The following SHISA5 variants were observed in gnomAD, a reference collection of about 807,000 sequenced individuals.
SHISA5 encodes the protein protein shisa-5.
SHISA5 carries 21 observed loss-of-function variants against 27.5 expected under a neutral mutation model. The observed-to-expected ratio is 0.76, with a 90% CI of 0.54 to 1.10. The LOEUF (loss-of-function observed/expected upper bound fraction) is 1.10. SHISA5 is among the 50% of genes least tolerant of loss of function. The pLI, the probability that SHISA5 is intolerant of heterozygous loss-of-function variation, is 0.00. For synonymous variants in SHISA5, 137 were observed against 142.2 expected (o/e 0.96, Z 0.26); for missense variants, 314 against 336.3 (o/e 0.93, Z 0.52).
chr3:48,472,970 T>G (rs1451852623), intron 3 of SHISA5: 7 of 1,519,130 alleles, frequency 4.6e-6, no homozygotes, highest in Non-Finnish European at 6.2e-6. Context: ...TCTCAGTGTT[T>G]GTCTCTCAAA....
At chr3:48,475,850 A>G (rs1575308980) in intron 3 of SHISA5, among the ~76,000 whole-genome samples, 1 of 152,232 alleles carries the variant, frequency 6.6e-6, no homozygotes, top group South Asian at 2.1e-4. Flanking sequence ...GAATGGCTGG[A>G]GCCACTCACC....
chr3:48,493,373 T>G (rs2041480324), intron 2 of SHISA5, among the ~76,000 whole-genome samples: 1 of 146,574 alleles, frequency 6.8e-6, no homozygotes, highest in South Asian at 2.1e-4. Context: ...GAGGCTGCAG[T>G]GAGCTGAGAC....
At chr3:48,494,753 G>C (rs1023362493) in intron 2 of SHISA5, among the ~76,000 whole-genome samples, 5 of 147,616 alleles carry the variant, frequency 3.4e-5, no homozygotes, top group Non-Finnish European at 7.4e-5. Flanking sequence ...TTGGGGTATG[G>C]ATTTCATATC....
chr3:48,473,704 A>G lies in SHISA5; in HGVS notation c.315-3861T>C. On this transcript the variant is annotated intron_variant, in intron 3 of 5. Coordinates refer to ENST00000296444, the MANE Select transcript of SHISA5 (RefSeq NM_016479.6). The surrounding 1 kb of genome is among the most constrained non-coding windows in gnomAD (Gnocchi z 4.3). ...TTGCGATTACAAAGGAATTTGCTTT[A>G]TAATTACATGTTAAACTGAGTGTGT... 1 of 646,096 alleles carries G rather than the reference A, an allele frequency of 1.5e-6. No individual in the cohort carries two copies. The highest frequency in any genetic ancestry group is 1.9e-6 in the Non-Finnish European group (1 of 520,552). The allele number at this position is 646,096 out of a possible 1,614,324, so 40.0% of individuals were successfully genotyped here.
At chr3:48,500,144 C>T (rs955622332) in intron 2 of SHISA5, among the ~76,000 whole-genome samples, 2 of 152,138 alleles carry the variant, frequency 1.3e-5, no homozygotes, top group African/African-American at 4.8e-5. Flanking sequence ...GGATTCACAC[C>T]ATTCAGAGGG....
rs2040710611 is a variant in SHISA5 at position 48,473,323 on chromosome 3, C to T, written c.315-3480G>A. On this transcript the variant is annotated intron_variant, in intron 3 of 5. Coordinates refer to ENST00000296444, the MANE Select transcript of SHISA5 (RefSeq NM_016479.6). The surrounding 1 kb of genome is among the most constrained non-coding windows in gnomAD (Gnocchi z 4.3). ...CCTGAGCCAAGCCTACAGGGCCTGA[C>T]CTCAGAATGCAGCCTGGCCACTAGG... 1 of 1,393,618 alleles carries T rather than the reference C, an allele frequency of 7.2e-7. No homozygotes were observed. Among genetic ancestry groups the T allele is most frequent in the Admixed American group, 2.3e-5 (1 of 43,880 alleles). 86.3% of individuals were successfully genotyped at this position (1,393,618 alleles called of 1,614,324 possible).
At chr3:48,501,860 C>CTTTT (rs35527637) in intron 1 of SHISA5, among the ~76,000 whole-genome samples, 7 of 133,090 alleles carry the variant, frequency 5.3e-5, no homozygotes, top group South Asian at 2.3e-4. Context: ...CCCTTTCTTT[C>CTTTT]TTTTTTTTTT....
At chr3:48,490,659 A>T (rs1207790743) in intron 2 of SHISA5, among the ~76,000 whole-genome samples, 1 of 152,146 alleles carries the variant, frequency 6.6e-6, no homozygotes, top group African/African-American at 2.4e-5. Flanking sequence ...ATATATCATG[A>T]TTTACTTTCC....
Position 48,479,254 on chromosome 3 carries a change from C to A in SHISA5, c.237G>T (p.Val79=), listed in dbSNP as rs1221020196. The stretch of plus-strand genomic sequence containing the variant: ...GCTCCACCGGCTCTACACTGGCAGG[C>A]ACGCTGCAAACAGGAAACCTTGTGA... ...EERCAVPEAS[V]PASVEPVEQL... Residue 79 remains valine (V), a synonymous_variant, in exon 3 of 6, where the codon GTG becomes GTT. Transcript: ENST00000296444. 1.2e-6 allele frequency: 2 copies of A among 1,606,252 alleles called. No homozygotes were observed. Among genetic ancestry groups the A allele is most frequent in the Admixed American group, 1.7e-5 (1 of 59,204 alleles).
intron 1 of SHISA5, 62 bp downstream of exon 1, chr3:48,503,957 C>A: frequency 7.0e-7 from 1 of 1,431,382 alleles, no homozygotes; most frequent in Admixed American, 2.7e-5. Context: ...GTTGGAGAGG[C>A]AGCGCGGGGA....
chr3:48,473,107 T>G lies in SHISA5; in HGVS notation c.315-3264A>C. The G allele has an allele frequency of 6.7e-7, 1 of 1,484,748 alleles. No homozygotes were observed. Among genetic ancestry groups the G allele is most frequent in the African/African-American group, 1.4e-5 (1 of 70,820 alleles). 92.0% of individuals were successfully genotyped at this position (1,484,748 alleles called of 1,614,324 possible). The stretch of plus-strand genomic sequence containing the variant: ...ACTCAGTTTCAATTTCCTCCCCTTT[T>G]GGAGAAAAAGAAAGCAAATCTCCTC... On this transcript the variant is annotated intron_variant, in intron 3 of 5. Coordinates refer to ENST00000296444, the MANE Select transcript of SHISA5 (RefSeq NM_016479.6). This position sits in a 1 kb window ranked among gnomAD's most constrained non-coding sequence, Gnocchi z 4.3.
chr3:48,481,961 C>T (rs1425635529), intron 2 of SHISA5, among the ~76,000 whole-genome samples: 1 of 150,460 alleles, frequency 6.6e-6, no homozygotes, highest in African/African-American at 2.4e-5. Flanking sequence ...CACAGCTACT[C>T]GGGAGGCTGA....
intron 2 of SHISA5, among the ~76,000 whole-genome samples, chr3:48,498,531 C>CA (rs1422828966): frequency 6.6e-5 from 10 of 150,766 alleles, no homozygotes; most frequent in Non-Finnish European, 1.5e-4. Context: ...TACTAAAATA[C>CA]AAAAAATTAG....
chr3:48,477,719 T>C (rs1461681975), intron 3 of SHISA5, among the ~76,000 whole-genome samples: 1 of 152,166 alleles, frequency 6.6e-6, no homozygotes, highest in Non-Finnish European at 1.5e-5. Flanking sequence ...GAAATCTCCA[T>C]TCCACAGCGC....
At chr3:48,504,252 AGGAGGAGGGAGGAG>A (rs910523353), upstream of SHISA5, 8 of 355,246 alleles carry the variant, frequency 2.3e-5, no homozygotes, top group Admixed American at 2.4e-4. This position sits in a 1 kb window ranked among gnomAD's most constrained non-coding sequence, Gnocchi z 4.0. Flanking sequence ...AGGAGGAGGG[AGGAGGAGGGAGGAG>A]GGAGGAGGGA....
intron 2 of SHISA5, among the ~76,000 whole-genome samples, chr3:48,488,128 T>C (rs2041305794): frequency 6.6e-6 from 1 of 151,770 alleles, no homozygotes; most frequent in Non-Finnish European, 1.5e-5. Context: ...CACAGTGAGA[T>C]TAAAGGAAAA....
Position 48,473,376 on chromosome 3 carries a change from G to T in SHISA5, c.315-3533C>A. On this transcript the variant is annotated intron_variant, in intron 3 of 5. Transcript: ENST00000296444. The surrounding 1 kb of genome is among the most constrained non-coding windows in gnomAD (Gnocchi z 4.3). ...GTCTAAGAGCCACCCCAGCCTCAGTGGGCCCCAACCACACTCTAGCTCAGC... is the reference window on the plus strand; with the variant it reads ...GTCTAAGAGCCACCCCAGCCTCAGTTGGCCCCAACCACACTCTAGCTCAGC... 1 of 1,338,814 alleles carries T rather than the reference G, an allele frequency of 7.5e-7. No individual in the cohort carries two copies. Among genetic ancestry groups the T allele is most frequent in the Non-Finnish European group, 9.8e-7 (1 of 1,021,612 alleles). 82.9% of individuals were successfully genotyped at this position (1,338,814 alleles called of 1,614,324 possible). A position where few individuals can be genotyped will look rare whatever the true frequency, so the allele number is the denominator to read the frequency against.
chr3:48,468,416 A>C lies in SHISA5; in HGVS notation c.*691T>G. ...GGCCCTCCAGCTGGTCCCAGGGGAG[A>C]TGCGGGGACAGGGGACAGTCCAGGC... is the stretch of plus-strand genomic sequence containing the variant. On this transcript the variant is annotated 3_prime_UTR_variant, in exon 6 of 6. Transcript: ENST00000296444. 9.0e-7 allele frequency: 1 copy of C among 1,110,762 alleles called. No homozygotes were observed. The highest frequency in any genetic ancestry group is 2.3e-5 in the South Asian group (1 of 44,154). 68.8% of individuals were successfully genotyped at this position (1,110,762 alleles called of 1,614,324 possible). A position where few individuals can be genotyped will look rare whatever the true frequency, so the allele number is the denominator to read the frequency against.
intron 3 of SHISA5, among the ~76,000 whole-genome samples, chr3:48,474,484 G>A (rs879676820): frequency 3.1e-4 from 47 of 151,648 alleles, no homozygotes; most frequent in African/African-American, 1.1e-3. Flanking sequence ...CTACAGGTGC[G>A]TGCCACCACA....
Sources: allele counts gnomAD v4.1 joint callset (sites outside exome capture counted in the v4.1 genomes callset), GRCh38; gene constraint gnomAD v4.1.1; non-coding constraint Gnocchi (gnomAD v3.1); transcripts MANE v1.5; gene names NCBI Gene and HGNC (gene_info 2026-07-23, HGNC 2026-07-21).